USP45: variants seen among roughly 807,000 people sequenced by gnomAD.
USP45 encodes the protein ubiquitin carboxyl-terminal hydrolase 45.
USP45 carries 89 observed loss-of-function variants against 95.8 expected under a neutral mutation model. The ratio of observed to expected loss-of-function variants is 0.93; its 90% CI spans 0.78 to 1.11. USP45 has a LOEUF of 1.11. Among genes scored for constraint, USP45 ranks in the 50% least tolerant of loss-of-function variants. The probability of loss-of-function intolerance (pLI) is 0.00; values close to 1 mark genes in which losing one functional copy is unlikely to be tolerated. For synonymous variants in USP45, 281 were observed against 316.2 expected (o/e 0.89, Z 1.18); for missense variants, 898 against 942.5 (o/e 0.95, Z 0.62).
Position 99,487,094 on chromosome 6 carries a change from T to C in USP45, c.714+1106A>G, listed in dbSNP as rs553768238. Among the ~76,000 whole-genome samples the C allele has an allele frequency of 2.6e-5, 4 of 152,322 alleles. No individual in the cohort carries two copies. In the South Asian group the frequency reaches 6.2e-4, roughly 24 times the overall value. ...AGGTGGGTTTCAGGAAGCAGAGGTT[T>C]ACTCTAGAGTGAATGCCCTCAGAAA... On this transcript the variant is annotated intron_variant, in intron 7 of 17. Transcript: ENST00000500704.
chr6:99,484,746 G>GCAC (rs1793424942), intron 7 of USP45, among the ~76,000 whole-genome samples: 1 of 150,062 alleles, frequency 6.7e-6, no homozygotes, highest in Admixed American at 6.6e-5. Flanking sequence ...AGCCATGATG[G>GCAC]CACCACTGCA....
intron 15 of USP45, among the ~76,000 whole-genome samples, chr6:99,442,093 A>G (rs1781629980): frequency 6.6e-6 from 1 of 152,220 alleles, no homozygotes; most frequent in South Asian, 2.1e-4. Context: ...AGCTTGAGAG[A>G]AAAAGGGACC....
intron 7 of USP45, among the ~76,000 whole-genome samples, chr6:99,487,492 A>C (rs1021317678): frequency 6.6e-6 from 1 of 152,118 alleles, no homozygotes; most frequent in African/African-American, 2.4e-5. Context: ...CTAGGCTTCA[A>C]AAAACCTTTA....
At chr6:99,461,997 C>A in intron 13 of USP45, 7 of 985,094 alleles carry the variant, frequency 7.1e-6, no homozygotes, top group Non-Finnish European at 8.4e-6. Flanking sequence ...TTCCTAATGA[C>A]TGAAATACAT....
At chr6:99,475,218 T>G (rs951699825) in intron 9 of USP45, among the ~76,000 whole-genome samples, 7 of 151,880 alleles carry the variant, frequency 4.6e-5, no homozygotes, top group African/African-American at 1.7e-4. Flanking sequence ...CCAGAGAAAC[T>G]AGGATAATAA....
chr6:99,469,572 T>C (rs560557088), intron 9 of USP45, among the ~76,000 whole-genome samples: 4 of 150,496 alleles, frequency 2.7e-5, no homozygotes, highest in Non-Finnish European at 4.4e-5. Context: ...TTGACTTCTC[T>C]GGGTTCAAGT....
upstream of USP45, among the ~76,000 whole-genome samples, chr6:99,516,177 CCTT>C (rs1468207273): frequency 6.6e-6 from 1 of 152,002 alleles, no homozygotes; most frequent in Non-Finnish European, 1.5e-5. Flanking sequence ...TCTTACCTAT[CCTT>C]CTCTCTTCCT....
chr6:99,446,504 C>A, intron 13 of USP45, 41 bp from the exon 14 acceptor site: 1 of 1,520,592 alleles, frequency 6.6e-7, no homozygotes, highest in South Asian at 1.2e-5. Flanking sequence ...AGTCTTGTAA[C>A]CTCATTGAAA....
chr6:99,508,440 T>C (rs1799016396), intron 3 of USP45, among the ~76,000 whole-genome samples, 170 bp downstream of exon 3: 1 of 152,232 alleles, frequency 6.6e-6, no homozygotes, highest in Non-Finnish European at 1.5e-5. Context: ...GAACATAGCA[T>C]ACCTTTTACT....
chr6:99,517,718 A>C (rs906308672), upstream of USP45, among the ~76,000 whole-genome samples: 4 of 151,430 alleles, frequency 2.6e-5, no homozygotes, highest in Non-Finnish European at 5.9e-5. Flanking sequence ...TCTGGGATTA[A>C]AGGTGTGAGC....
rs926648090 is a variant in USP45 at position 99,433,915 on chromosome 6, A to T, written c.*1801T>A. On this transcript the variant is annotated 3_prime_UTR_variant, in exon 18 of 18. Transcript: ENST00000500704. ...TTACATTTGGGCAGTGGGGGGATGA[A>T]AACTGCTCTTACCAAGATGGCTGAC... 6.6e-6 allele frequency: 1 copy of T among 152,172 alleles called. No homozygotes were observed. Among genetic ancestry groups the T allele is most frequent in the African/African-American group, 2.4e-5 (1 of 41,450 alleles). 9.4% of individuals were successfully genotyped at this position (152,172 alleles called of 1,614,324 possible).
At chr6:99,448,683 A>C (rs1351037852) in intron 13 of USP45, among the ~76,000 whole-genome samples, 1 of 152,296 alleles carries the variant, frequency 6.6e-6, no homozygotes, top group East Asian at 1.9e-4. Flanking sequence ...AAACGCCACA[A>C]AGATACTCCT....
At chr6:99,502,380 T>C (rs1395181168) in intron 5 of USP45, among the ~76,000 whole-genome samples, 1 of 152,208 alleles carries the variant, frequency 6.6e-6, no homozygotes. Context: ...TGACTCATTC[T>C]AGCAAATTAT....
At chr6:99,473,206 A>T (rs1472585313) in intron 9 of USP45, among the ~76,000 whole-genome samples, 2 of 152,164 alleles carry the variant, frequency 1.3e-5, no homozygotes, top group African/African-American at 2.4e-5. Context: ...CTCAAAAAAA[A>T]GTTGCGTTTA....
Position 99,482,389 on chromosome 6 carries a change from T to A in USP45, c.845+364A>T, listed in dbSNP as rs1028387587. 2.1e-4 allele frequency: 40 copies of A among 189,868 alleles called. 1 individual carries two copies. The highest frequency in any genetic ancestry group is 8.7e-4 in the African/African-American group (38 of 43,482). 11.8% of individuals were successfully genotyped at this position (189,868 alleles called of 1,614,324 possible). On this transcript the variant is annotated intron_variant, in intron 8 of 17. Transcript: ENST00000500704. ...AGCTCATCTTTTAAAATAAGAAAGC[T>A]AGATTAGATGTTATCTTACGGTACT...
At chr6:99,503,682 C>G in intron 5 of USP45, 83 bp downstream of exon 5, 1 of 954,282 alleles carries the variant, frequency 1.0e-6, no homozygotes. Context: ...ACAGTAAAAT[C>G]TAAAGTATTC....
At chr6:99,453,483 G>C (rs1784363243) in intron 13 of USP45, among the ~76,000 whole-genome samples, 1 of 152,020 alleles carries the variant, frequency 6.6e-6, no homozygotes, top group African/African-American at 2.4e-5. Flanking sequence ...CCTCCACAAG[G>C]AAAACTATAA....
In USP45 at chr6:99,462,088, G is replaced by A. The variant is rs527655887; in HGVS notation, c.1308+2516C>T. Reference sequence around the variant, plus strand: ...ACTGTACTTTTCTAATTTTAGAACCGTATGCAAACTTGCACTTTTTCCCAT... The same window carrying A: ...ACTGTACTTTTCTAATTTTAGAACCATATGCAAACTTGCACTTTTTCCCAT... On this transcript the variant is annotated intron_variant, in intron 13 of 17. Transcript: ENST00000500704. 43 of 984,918 alleles carry A rather than the reference G, an allele frequency of 4.4e-5. 1 individual carries two copies. In the South Asian group the frequency reaches 8.9e-4, roughly 20 times the overall value. 61.0% of individuals were successfully genotyped at this position (984,918 alleles called of 1,614,324 possible). A position where few individuals can be genotyped will look rare whatever the true frequency, so the allele number is the denominator to read the frequency against.
chr6:99,454,486 A>T (rs1026813633), intron 13 of USP45, among the ~76,000 whole-genome samples: 4 of 152,328 alleles, frequency 2.6e-5, no homozygotes, highest in African/African-American at 9.6e-5. Flanking sequence ...AAAAGGAAAC[A>T]ATCAACAGAA....
Sources: gnomAD v4.1 joint callset for allele counts (sites outside exome capture counted in the v4.1 genomes callset) on GRCh38, gnomAD v4.1.1 for gene constraint, MANE v1.5 for transcripts, NCBI Gene and HGNC (gene_info 2026-07-23, HGNC 2026-07-21) for gene names.